The following SSBP2 variants were observed in gnomAD, a reference collection of about 807,000 sequenced individuals.
SSBP2 encodes the protein single-stranded DNA-binding protein 2.
Under a neutral mutation model 61.8 loss-of-function variants are expected in SSBP2, and 17 were observed. The ratio of observed to expected loss-of-function variants is 0.28; its 90% confidence interval spans 0.19 to 0.41. The LOEUF (loss-of-function observed/expected upper bound fraction) is 0.41, where lower values mean the gene tolerates loss of function less well. SSBP2 is among the 10% of genes least tolerant of loss of function. The pLI is 1.00. For missense variants in SSBP2, 310 were observed against 458.7 expected, an observed-to-expected ratio of 0.68 and a Z score of 2.96; for synonymous variants, 139 against 141.3, an observed-to-expected ratio of 0.98 and a Z score of 0.12.
intron 3 of SSBP2, among the ~76,000 whole-genome samples, chr5:81,635,848 T>C (rs1748173892): frequency 6.6e-6 from 1 of 152,224 alleles, no homozygotes; most frequent in African/African-American, 2.4e-5. Context: ...CCTCCCAAAG[T>C]GCTGGGATTA....
chr5:81,647,049 T>C (rs1004256554), intron 2 of SSBP2, among the ~76,000 whole-genome samples: 52 of 152,170 alleles, frequency 3.4e-4, no homozygotes, highest in Non-Finnish European at 1.8e-4. Flanking sequence ...CTCTAGGATG[T>C]ACTCAGCAAT....
intron 3 of SSBP2, among the ~76,000 whole-genome samples, chr5:81,627,684 A>C (rs1003704453): frequency 2.6e-5 from 4 of 152,204 alleles, no homozygotes; most frequent in Admixed American, 2.6e-4. Flanking sequence ...ACAATGTTAT[A>C]TATATTTGAT....
chr5:81,631,006 T>C (rs1045035262), intron 3 of SSBP2, among the ~76,000 whole-genome samples: 2 of 152,024 alleles, frequency 1.3e-5, no homozygotes, highest in Admixed American at 6.5e-5. Context: ...ACACACAAAA[T>C]GAAAAGGTGT....
intron 1 of SSBP2, among the ~76,000 whole-genome samples, chr5:81,669,125 TAATG>T (rs1385920991): frequency 6.6e-6 from 1 of 152,164 alleles, no homozygotes; most frequent in Non-Finnish European, 1.5e-5. Flanking sequence ...ATGTAAAAAG[TAATG>T]AAAGTATATA....
chr5:81,566,340 T>TG (rs1370827145), intron 4 of SSBP2, among the ~76,000 whole-genome samples: 1 of 152,154 alleles, frequency 6.6e-6, no homozygotes, highest in Non-Finnish European at 1.5e-5. Context: ...AACTGAATCA[T>TG]GGGGGCAGTT....
chr5:81,583,144 G>A (rs1774788354), intron 4 of SSBP2, among the ~76,000 whole-genome samples: 1 of 152,104 alleles, frequency 6.6e-6, no homozygotes, highest in South Asian at 2.1e-4. Flanking sequence ...TTGATCCCAG[G>A]AGTTGGAGGC....
At chr5:81,501,949 T>C (rs1312714732) in intron 5 of SSBP2, among the ~76,000 whole-genome samples, 1 of 152,052 alleles carries the variant, frequency 6.6e-6, no homozygotes, top group African/African-American at 2.4e-5. Context: ...TAGTTGCCAA[T>C]AGGGCTGTTT....
At chr5:81,710,466 C>T (rs1754696278) in intron 1 of SSBP2, among the ~76,000 whole-genome samples, 1 of 151,810 alleles carries the variant, frequency 6.6e-6, no homozygotes, top group African/African-American at 2.4e-5. Flanking sequence ...ATGATAAGGA[C>T]CTATACAGTT....
At chr5:81,734,358 T>C (rs1435452693) in intron 1 of SSBP2, among the ~76,000 whole-genome samples, 2 of 152,266 alleles carry the variant, frequency 1.3e-5, no homozygotes, top group Non-Finnish European at 1.5e-5. Flanking sequence ...TTTTTCACTT[T>C]GGTTTTAGTT....
intron 9 of SSBP2, 82 bp from the exon 10 acceptor site, chr5:81,461,185 C>T: frequency 1.8e-6 from 2 of 1,093,508 alleles, no homozygotes; most frequent in Non-Finnish European, 2.6e-6. Flanking sequence ...TAAAATATAA[C>T]ATTTATAATT....
chr5:81,480,635 G>A (rs1765917604), intron 6 of SSBP2, among the ~76,000 whole-genome samples: 1 of 152,050 alleles, frequency 6.6e-6, no homozygotes, highest in African/African-American at 2.4e-5. Context: ...CAAACTCCTG[G>A]GCTCAAGAAA....
intron 4 of SSBP2, among the ~76,000 whole-genome samples, chr5:81,553,858 C>T (rs964151873): frequency 2.0e-5 from 3 of 151,780 alleles, no homozygotes; most frequent in Admixed American, 6.6e-5. Flanking sequence ...CCTTTCCTAC[C>T]TTTATCCTTT....
rs547120001 is a variant in SSBP2, at chr5:81,736,261, T to C, written c.62+14720A>G. Among the ~76,000 whole-genome samples the C allele has an allele frequency of 3.4e-4, 51 of 151,988 alleles. 1 individual carries two copies. Among genetic ancestry groups the C allele is most frequent in the East Asian group, 1.9e-4 (1 of 5,180 alleles). ...CACTGGACTTCTTCCAAGCACAAAA[T>C]TGGCGCTATGCCAAAAGCCCTGTTT... On this transcript the variant is annotated intron_variant, in intron 1 of 16. Transcript: ENST00000320672.
At chr5:81,664,420 G>A (rs899057838) in intron 1 of SSBP2, among the ~76,000 whole-genome samples, 2 of 151,974 alleles carry the variant, frequency 1.3e-5, no homozygotes, top group African/African-American at 4.8e-5. Flanking sequence ...GTGAGCCACC[G>A]CACCCTTTTT....
At chr5:81,539,953 T>C (rs901795788) in intron 4 of SSBP2, among the ~76,000 whole-genome samples, 3 of 152,168 alleles carry the variant, frequency 2.0e-5, no homozygotes, top group African/African-American at 4.8e-5. Flanking sequence ...CCATGTGTTC[T>C]CATTGTTCAA....
intron 1 of SSBP2, among the ~76,000 whole-genome samples, chr5:81,741,007 C>T (rs1756984313): frequency 6.6e-6 from 1 of 152,160 alleles, no homozygotes. Context: ...ACTTCCATTA[C>T]AATTTTTCCG....
In SSBP2 at chr5:81,446,856, T is replaced by G; in HGVS notation, c.778+12A>C. ...TAATCAAATGCCCATGTGGCTAGTT[T>G]GATTACAATACCTGCTGGACTAGGC... On this transcript the variant is annotated intron_variant, in intron 12 of 16. Transcript: ENST00000320672. The G allele has an allele frequency of 6.2e-7, 1 of 1,606,266 alleles. No homozygotes were observed. The highest frequency in any genetic ancestry group is 8.5e-7 in the Non-Finnish European group (1 of 1,177,260).
intron 1 of SSBP2, among the ~76,000 whole-genome samples, chr5:81,690,771 A>G (rs1753143519): frequency 6.6e-6 from 1 of 152,136 alleles, no homozygotes; most frequent in African/African-American, 2.4e-5. Flanking sequence ...CAGAATACAC[A>G]TTCTTCTCCC....
Position 81,600,222 on chromosome 5 carries a change from T to C in SSBP2, c.282+15251A>G, listed in dbSNP as rs375278137. Among the ~76,000 whole-genome samples, 166 of 152,226 alleles carry C rather than the reference T, an allele frequency of 1.1e-3. 2 individuals are homozygous for C. In the South Asian group the frequency reaches 0.034, roughly 31 times the overall value. ...CTACCTGTGGATCACAAATAATGCATACAACACCTAAAGCTTTACAAAGCT... is the reference window on the plus strand; with the variant it reads ...CTACCTGTGGATCACAAATAATGCACACAACACCTAAAGCTTTACAAAGCT... On this transcript the variant is annotated intron_variant, in intron 4 of 16. Transcript: ENST00000320672.
Sources: allele counts gnomAD v4.1 joint callset (sites outside exome capture counted in the v4.1 genomes callset), GRCh38; gene constraint gnomAD v4.1.1; transcripts MANE v1.5; gene names NCBI Gene and HGNC (gene_info 2026-07-23, HGNC 2026-07-21).